RGPD3: variants seen among roughly 807,000 people sequenced by gnomAD.
RGPD3 encodes ranBP2-like and GRIP domain-containing protein 3.
In RGPD3, 62 loss-of-function variants were observed where a neutral mutation model predicts 154.5. The observed-to-expected ratio is 0.40, with a 90% confidence interval of 0.33 to 0.50. The LOEUF (loss-of-function observed/expected upper bound fraction) is 0.50, where lower values mean the gene tolerates loss of function less well. RGPD3 is among the 20% of genes least tolerant of loss of function. RGPD3 has a pLI of 0.59. For synonymous variants in RGPD3, 308 were observed against 607.0 expected, an observed-to-expected ratio of 0.51 and a Z score of 7.24; for missense variants, 919 against 1,716.8, an observed-to-expected ratio of 0.54 and a Z score of 8.21.
At chr2:106,450,686 A>C (rs1678086331) in intron 6 of RGPD3, among the ~76,000 whole-genome samples, 1 of 89,760 alleles carries the variant, frequency 1.1e-5, no homozygotes. Context: ...AGGCTGGGTG[A>C]CAGAGCGAGA....
intron 1 of RGPD3, among the ~76,000 whole-genome samples, chr2:106,464,107 A>T (rs1678486063): frequency 6.6e-6 from 1 of 152,168 alleles, no homozygotes; most frequent in Non-Finnish European, 1.5e-5. Flanking sequence ...GCACTTTGGG[A>T]GGCTGAGGCA....
chr2:106,424,876 C>G lies in RGPD3; in HGVS notation c.3091G>C (p.Glu1031Gln), dbSNP rs1477969992. The change falls in exon 20 of 23, where the codon GAG becomes CAG. Residue 1031 changes from glutamate to glutamine, a missense_variant. By Grantham distance (29) the Glu-to-Gln change is conservative. Coordinates refer to ENST00000409886, the MANE Select transcript of RGPD3 (RefSeq NM_001144013.2). ...FEKDDDAYKT[E>Q]DSDDIHFEPV... ...TCAAAATGGATGTCATCGCTGTCCT[C>G]AGTCTTATAGGCATCATCATCTTTC... The G allele has an allele frequency of 6.2e-7, 1 of 1,611,546 alleles. No individual in the cohort carries two copies. Among genetic ancestry groups the G allele is most frequent in the Non-Finnish European group, 8.5e-7 (1 of 1,179,774 alleles).
rs1258288290 is a variant in RGPD3 at position 106,413,978 on chromosome 2, C to T, written c.5065-693G>A. On this transcript the variant is annotated intron_variant, in intron 21 of 22. Coordinates refer to ENST00000409886, the MANE Select transcript of RGPD3 (RefSeq NM_001144013.2). ...TCTGAAAATGGGCTGAGGGGAACAT[C>T]GGCAGCCTCCACTAACCCCCTGCCC... is the stretch of plus-strand genomic sequence containing the variant. 2.2e-4 allele frequency among the ~76,000 whole-genome samples: 34 copies of T among 152,232 alleles called. No individual in the cohort carries two copies. In the South Asian group the frequency reaches 2.3e-3, roughly 10 times the overall value.
chr2:106,440,434 C>A (rs1053546203), intron 8 of RGPD3, among the ~76,000 whole-genome samples: 3 of 151,638 alleles, frequency 2.0e-5, no homozygotes, highest in Non-Finnish European at 2.9e-5. Context: ...AAAATACAGG[C>A]AATTTTTATC....
rs767756124 is a variant in RGPD3, at chr2:106,425,148, G to T, written c.2819C>A (p.Pro940His). Residue 940 changes from proline to histidine, a missense_variant, in exon 20 of 23, where the codon CCT becomes CAT. Pro to His is a moderately conservative substitution (Grantham distance 77, BLOSUM62 -2). Transcript: ENST00000409886. ...PGNQEKKSEKPLENDTGLQAQ... is the reference protein window; with the variant it reads ...PGNQEKKSEKHLENDTGLQAQ... ...CTGTAAGCCAGTATCATTTTCAAGA[G>T]GCTTTTCACTTTTCTTTTCTTGATT... The T allele has an allele frequency of 1.3e-5, 21 of 1,611,816 alleles. No homozygotes were observed. In the Admixed American group the frequency reaches 2.8e-4, roughly 22 times the overall value.
At chr2:106,434,079 C>G in intron 15 of RGPD3, 149 bp downstream of exon 15, 1 of 985,970 alleles carries the variant, frequency 1.0e-6, no homozygotes, top group Non-Finnish European at 1.5e-6. Flanking sequence ...GCAAGCAAAT[C>G]TAAGCATTTA....
At chr2:106,468,805 CAAAAAAAAAAAAAAAAAAA>C (rs57971663), upstream of RGPD3, among the ~76,000 whole-genome samples, 13 of 56,916 alleles carry the variant, frequency 2.3e-4, no homozygotes, top group South Asian at 2.2e-3. Flanking sequence ...GACTCCATCT[CAAAAAAAAAAAAAAAAAAA>C]AAAAAAAAAA....
intron 1 of RGPD3, 99 bp downstream of exon 1, chr2:106,468,118 G>C: frequency 6.9e-7 from 1 of 1,450,722 alleles, no homozygotes; most frequent in Non-Finnish European, 9.2e-7. Flanking sequence ...AGCGCTCGTC[G>C]GGAGCCATGA....
At chr2:106,408,859 A>G (rs1342792180) in intron 22 of RGPD3, among the ~76,000 whole-genome samples, 1 of 151,234 alleles carries the variant, frequency 6.6e-6, no homozygotes, top group Non-Finnish European at 1.5e-5. Context: ...GCATATTTTA[A>G]AATTTTTGTA....
At chr2:106,420,291 A>T (rs1406314137) in intron 20 of RGPD3, among the ~76,000 whole-genome samples, 3 of 149,800 alleles carry the variant, frequency 2.0e-5, no homozygotes, top group African/African-American at 7.4e-5. Context: ...AAGACCATTC[A>T]TATGGCTGAA....
At position 106,457,076 on chromosome 2, in the gene RGPD3, A is replaced by G; in HGVS notation, c.300T>C (p.Ile100=). Residue 100 remains isoleucine, a synonymous_variant, in exon 4 of 23, where the codon ATT becomes ATC. Transcript: ENST00000409886. ...NPTQKDLVLK[I]AELLCKNDVT... ...CATCATTTTTACAAAGCAATTCTGC[A>G]ATCTTCAACACAAGATCTTTTTGTG... 6.2e-7 allele frequency: 1 copy of G among 1,611,648 alleles called. No homozygotes were observed. The highest frequency in any genetic ancestry group is 1.1e-5 in the South Asian group (1 of 90,976).
At chr2:106,434,096 C>T (rs1202382679) in intron 15 of RGPD3, 132 bp downstream of exon 15, 9 of 1,473,182 alleles carry the variant, frequency 6.1e-6, no homozygotes, top group South Asian at 1.2e-5. Flanking sequence ...TTTAGACACA[C>T]ACATCCCTTC....
In RGPD3 at chr2:106,424,893, T is replaced by C. The variant is rs576352661; in HGVS notation, c.3074A>G (p.Asp1025Gly). The change falls in exon 20 of 23, where the codon GAT becomes GGT. Residue 1025 changes from aspartate to glycine, a missense_variant. Transcript: ENST00000409886. ...ANTSGDFEKDDDAYKTEDSDD... is the reference protein window; with the variant it reads ...ANTSGDFEKDGDAYKTEDSDD... ...GCTGTCCTCAGTCTTATAGGCATCA[T>C]CATCTTTCTCAAAGTCACCGGAAGT... 355 of 1,611,810 alleles carry C rather than the reference T, an allele frequency of 2.2e-4. 2 individuals carry two copies. The African/African-American group carries it at 4.2e-3, about 19-fold the overall frequency.
At chr2:106,450,223 C>CA (rs1212230372) in intron 6 of RGPD3, among the ~76,000 whole-genome samples, 1 of 96,666 alleles carries the variant, frequency 1.0e-5, no homozygotes, top group Non-Finnish European at 2.2e-5. Context: ...ACTAAAAATA[C>CA]AAAAAAATTA....
intron 20 of RGPD3, among the ~76,000 whole-genome samples, chr2:106,420,384 C>T (rs1048429028): frequency 2.1e-4 from 32 of 151,918 alleles, no homozygotes; most frequent in African/African-American, 7.0e-4. Flanking sequence ...CTGTTCTGAT[C>T]TACTAATGTA....
chr2:106,451,532 C>G (rs1678124183), intron 6 of RGPD3, among the ~76,000 whole-genome samples: 1 of 151,292 alleles, frequency 6.6e-6, no homozygotes, highest in Non-Finnish European at 1.5e-5. Flanking sequence ...TAAGCAGCCA[C>G]AGACAATACA....
rs1393523826 is a variant in RGPD3 at position 106,445,188 on chromosome 2, C to T, written c.978+2230G>A. 7.5e-5 allele frequency among the ~76,000 whole-genome samples: 10 copies of T among 133,154 alleles called. No homozygotes were observed. In the Admixed American group the frequency reaches 7.8e-4, roughly 10 times the overall value. 87.4% of individuals were successfully genotyped at this position (133,154 alleles called of 152,430 possible). A position where few individuals can be genotyped will look rare whatever the true frequency, so the allele number is the denominator to read the frequency against. ...CCTGTAGTCCCAGCTACTCGGGAGG[C>T]TGAGGCAGGAGAATGGCGTGAACCC... On this transcript the variant is annotated intron_variant, in intron 7 of 22. Coordinates refer to ENST00000409886, the MANE Select transcript of RGPD3 (RefSeq NM_001144013.2).
rs200853670 is a variant in RGPD3 at position 106,404,735 on chromosome 2, C to A, written c.*484G>T. Among the ~76,000 whole-genome samples, 14,826 of 70,866 alleles carry A rather than the reference C, an allele frequency of 0.21. 1,280 individuals carry two copies. The highest frequency in any genetic ancestry group is 0.68 in the East Asian group (487 of 720). The allele number at this position is 70,866 out of a possible 152,430, so 46.5% of individuals were successfully genotyped here. ...AACGATTCTCCAGCCTCAGCCTCCC[C>A]AAGTAGTGGGATTTCAGGCATGAAT... On this transcript the variant is annotated 3_prime_UTR_variant, in exon 23 of 23. Transcript: ENST00000409886.
At chr2:106,409,674 A>C (rs1346681936) in intron 22 of RGPD3, among the ~76,000 whole-genome samples, 2 of 151,194 alleles carry the variant, frequency 1.3e-5, no homozygotes, top group African/African-American at 4.9e-5. Flanking sequence ...TGGGTTTTTG[A>C]ATCTGTGGAT....
Sources: gnomAD v4.1 joint callset for allele counts (sites outside exome capture counted in the v4.1 genomes callset) on GRCh38, gnomAD v4.1.1 for gene constraint, MANE v1.5 for transcripts, NCBI Gene and HGNC (gene_info 2026-07-23, HGNC 2026-07-21) for gene names.